Variants in CMSS1 observed in about 807,000 individuals in gnomAD.
CMSS1 encodes cms1 ribosomal small subunit homolog.
In CMSS1, 33 loss-of-function variants were observed where a neutral mutation model predicts 43.5. The observed-to-expected ratio is 0.76, with a 90% CI of 0.57 to 1.01. CMSS1 has a LOEUF of 1.01. CMSS1 is among the 50% of genes least tolerant of loss of function. The pLI, the probability that CMSS1 is intolerant of heterozygous loss-of-function variation, is 0.00. For missense variants in CMSS1, 313 were observed against 326.4 expected, an observed-to-expected ratio of 0.96 and a Z score of 0.32; for synonymous variants, 115 against 117.2, an observed-to-expected ratio of 0.98 and a Z score of 0.12.
chr3:99,988,997 A>AT (rs1247350379), intron 1 of CMSS1, among the ~76,000 whole-genome samples: 5 of 152,178 alleles, frequency 3.3e-5, no homozygotes, highest in East Asian at 1.9e-4. Flanking sequence ...GAGCAGGTAC[A>AT]TTTTTTATGG....
intron 1 of CMSS1, among the ~76,000 whole-genome samples, chr3:99,929,244 T>C (rs1386889425): frequency 6.6e-6 from 1 of 152,230 alleles, no homozygotes; most frequent in Non-Finnish European, 1.5e-5. Flanking sequence ...GTGGCCCTGT[T>C]GGGACTGCCC....
intron 1 of CMSS1, among the ~76,000 whole-genome samples, chr3:99,957,573 G>A (rs1708357947): frequency 6.6e-6 from 1 of 151,714 alleles, no homozygotes; most frequent in South Asian, 2.1e-4. Flanking sequence ...ACCGTAAACA[G>A]TTGGAATTTT....
chr3:99,863,952 A>G (rs927702283), intron 1 of CMSS1, among the ~76,000 whole-genome samples: 1 of 152,208 alleles, frequency 6.6e-6, no homozygotes, highest in Non-Finnish European at 1.5e-5. Flanking sequence ...TTTCCATTGG[A>G]TCAGTGTTCT....
chr3:100,131,483 G>C (rs2066707900), intron 1 of CMSS1, among the ~76,000 whole-genome samples: 1 of 152,174 alleles, frequency 6.6e-6, no homozygotes, highest in Admixed American at 6.5e-5. Context: ...CAGCTATTGA[G>C]TGGCAGAGGT....
chr3:100,036,983 C>G (rs1374861667), intron 1 of CMSS1, among the ~76,000 whole-genome samples: 2 of 152,002 alleles, frequency 1.3e-5, no homozygotes, highest in Admixed American at 1.3e-4. Context: ...TGTTAGTATC[C>G]TGAAACACAT....
At chr3:99,919,044 A>T (rs1028857613) in intron 1 of CMSS1, among the ~76,000 whole-genome samples, 2 of 152,034 alleles carry the variant, frequency 1.3e-5, no homozygotes, top group South Asian at 2.1e-4. Flanking sequence ...CTTTCAAAAT[A>T]TTTTTTTTAA....
intron 1 of CMSS1, among the ~76,000 whole-genome samples, chr3:99,876,385 G>GTGGGCCGC (rs1417492632): frequency 4.3e-4 from 65 of 152,312 alleles, no homozygotes; most frequent in African/African-American, 1.5e-3. Context: ...GGAATGAGTG[G>GTGGGCCGC]TGGGCCGGTG....
intron 1 of CMSS1, among the ~76,000 whole-genome samples, chr3:99,859,578 G>C (rs577021577): frequency 6.6e-6 from 1 of 152,180 alleles, no homozygotes; most frequent in East Asian, 1.9e-4. Flanking sequence ...TTTTATATCT[G>C]CTCTCACAGC....
intron 1 of CMSS1, among the ~76,000 whole-genome samples, chr3:100,079,890 A>AT (rs1218724325): frequency 6.6e-6 from 1 of 152,040 alleles, no homozygotes; most frequent in East Asian, 1.9e-4. Flanking sequence ...AGATGTTGGG[A>AT]TTTTTTCTTT....
chr3:100,151,181 C>T (rs1415467751), intron 2 of CMSS1, among the ~76,000 whole-genome samples: 3 of 152,190 alleles, frequency 2.0e-5, no homozygotes, highest in African/African-American at 7.2e-5. Flanking sequence ...GAGCTGTGTC[C>T]TATTCATTCT....
chr3:100,122,205 A>G (rs191918493), intron 1 of CMSS1, among the ~76,000 whole-genome samples: 2 of 152,354 alleles, frequency 1.3e-5, no homozygotes, highest in Admixed American at 6.5e-5. Context: ...CATGCTGTGT[A>G]CAAGTACCCA....
intron 1 of CMSS1, among the ~76,000 whole-genome samples, chr3:99,838,964 CT>C (rs999261853): frequency 6.6e-5 from 10 of 152,108 alleles, no homozygotes; most frequent in Non-Finnish European, 4.4e-5. Flanking sequence ...AAGCCTTACC[CT>C]GCCCCAACCA....
At chr3:99,937,696 T>G (rs748954915) in intron 1 of CMSS1, among the ~76,000 whole-genome samples, 1 of 152,202 alleles carries the variant, frequency 6.6e-6, no homozygotes. Flanking sequence ...TATTGAGTGA[T>G]TGAATCATGC....
intron 7 of CMSS1, 68 bp downstream of exon 7, chr3:100,171,967 T>G (rs2067114024): frequency 2.7e-6 from 3 of 1,093,962 alleles, no homozygotes; most frequent in Non-Finnish European, 4.2e-6. Context: ...TTCAACCTCT[T>G]CTCCTAATCT....
chr3:100,017,487 G>A (rs1047710086), intron 1 of CMSS1, among the ~76,000 whole-genome samples: 7 of 152,268 alleles, frequency 4.6e-5, no homozygotes, highest in South Asian at 2.1e-4. Flanking sequence ...GATATACCTG[G>A]CACCTACCAA....
chr3:100,156,750 G>A lies in CMSS1; in HGVS notation c.154-3680G>A, dbSNP rs1172990862. ...CCTGCCTCAGCCTCCCAAGTAGCTG[G>A]GACTACAGGCGCCTGCCACCACGCC... On this transcript the variant is annotated intron_variant, in intron 2 of 9. Transcript: ENST00000421999. Among the ~76,000 whole-genome samples, 3 of 152,126 alleles carry A rather than the reference G, an allele frequency of 2.0e-5. No individual in the cohort carries two copies. In the East Asian group the frequency reaches 5.8e-4, roughly 29 times the overall value.
At chr3:99,981,323 G>A (rs1023589973) in intron 1 of CMSS1, among the ~76,000 whole-genome samples, 3 of 152,130 alleles carry the variant, frequency 2.0e-5, no homozygotes, top group African/African-American at 4.8e-5. Context: ...CATCTTAAGC[G>A]AAGCCTTCCT....
At chr3:99,893,285 C>A (rs1576553090) in intron 1 of CMSS1, among the ~76,000 whole-genome samples, 1 of 151,670 alleles carries the variant, frequency 6.6e-6, no homozygotes, top group African/African-American at 2.4e-5. Flanking sequence ...CCTGTCTCAG[C>A]CTCCTGAGTA....
chr3:99,955,495 C>T (rs1038598987), intron 1 of CMSS1, among the ~76,000 whole-genome samples: 6 of 152,128 alleles, frequency 3.9e-5, no homozygotes, highest in Admixed American at 2.6e-4. Context: ...ATTTAGTGGC[C>T]CAAGTTGAAT....
Sources: allele counts gnomAD v4.1 joint callset (sites outside exome capture counted in the v4.1 genomes callset), GRCh38; gene constraint gnomAD v4.1.1; transcripts MANE v1.5; gene names NCBI Gene and HGNC (gene_info 2026-07-23, HGNC 2026-07-21).